Variants in HAUS7 observed in about 807,000 individuals in gnomAD.
The protein encoded by HAUS7 is HAUS augmin like complex subunit 7, also known as HAUS augmin-like complex subunit 7.
Under a neutral mutation model 28.4 loss-of-function variants are expected in HAUS7, and 3 were observed. The ratio of observed to expected loss-of-function variants is 0.11; its 90% CI spans 0.05 to 0.27. The LOEUF (loss-of-function observed/expected upper bound fraction) is 0.27, where lower values mean the gene tolerates loss of function less well. Among genes scored for constraint, HAUS7 ranks in the 10% least tolerant of loss-of-function variants. The pLI, the probability that HAUS7 is intolerant of heterozygous loss-of-function variation, is 1.00. For synonymous variants in HAUS7, 165 were observed against 132.1 expected, an observed-to-expected ratio of 1.25 and a Z score of -1.71; for missense variants, 284 against 297.3, an observed-to-expected ratio of 0.96 and a Z score of 0.33.
intron 1 of HAUS7, among the ~76,000 whole-genome samples, chrX:153,469,911 G>T (rs782276820): frequency 9.0e-6 from 1 of 111,108 alleles, no homozygotes; most frequent in East Asian, 2.8e-4. Flanking sequence ...GGAGTGTCTG[G>T]GGGGAGGAGC....
At chrX:153,463,881 A>G (rs1556983862) in intron 3 of HAUS7, among the ~76,000 whole-genome samples, 1 of 112,588 alleles carries the variant, frequency 8.9e-6, no homozygotes, top group Admixed American at 9.3e-5. Context: ...CTCAGCCCTC[A>G]GCTGGCTGTT....
chrX:153,481,048 G>A, intron 1 of HAUS7: 3 of 736,010 alleles, frequency 4.1e-6, no homozygotes, highest in Non-Finnish European at 4.8e-6. Context: ...TGGGGCCTGG[G>A]GCCTGCTGGG....
intron 1 of HAUS7, chrX:153,481,953 C>G: frequency 1.3e-5 from 7 of 555,726 alleles, no homozygotes; most frequent in Non-Finnish European, 1.5e-5. Context: ...CACCTCTTCT[C>G]GGGGGCCGGG....
At chrX:153,478,976 C>A (rs2089580728) in intron 1 of HAUS7, among the ~76,000 whole-genome samples, 1 of 112,277 alleles carries the variant, frequency 8.9e-6, no homozygotes, top group African/African-American at 3.2e-5. Flanking sequence ...TCAATGCGGG[C>A]CTCACAGCAA....
intron 1 of HAUS7, among the ~76,000 whole-genome samples, chrX:153,487,903 C>T (rs2089648707): frequency 8.9e-6 from 1 of 112,965 alleles, no homozygotes; most frequent in South Asian, 3.6e-4. Context: ...GGCCATTGCC[C>T]CGTTGGCCTG....
rs782196464 is a variant in HAUS7, at chrX:153,454,390, G to C, written c.1045+4C>G. ...GGCAGAGGGCCAGGTGGGCAGCCAC[G>C]TACCTAGACTCATGACGGAGCTGCT... is the stretch of plus-strand genomic sequence containing the variant. On this transcript the variant is annotated splice_donor_region_variant and intron_variant, in intron 9 of 9. Transcript: ENST00000370211. 2.7e-6 allele frequency: 3 copies of C among 1,110,007 alleles called. No individual in the cohort carries two copies. In the African/African-American group the frequency reaches 5.4e-5, roughly 20 times the overall value. 91.5% of individuals were successfully genotyped at this position (1,110,007 alleles called of 1,213,427 possible).
intron 9 of HAUS7, among the ~76,000 whole-genome samples, chrX:153,451,949 G>A (rs781994357): frequency 7.1e-5 from 8 of 111,948 alleles, no homozygotes; most frequent in Admixed American, 5.7e-4. Flanking sequence ...CATGAATGAC[G>A]ACACATTTAC....
At chrX:153,481,034 C>T in intron 1 of HAUS7, 1 of 750,049 alleles carries the variant, frequency 1.3e-6, no homozygotes. Flanking sequence ...AGGCGGCCTT[C>T]AGGTGGGGCC....
At chrX:153,466,296 G>C (rs1380680353) in intron 2 of HAUS7, among the ~76,000 whole-genome samples, 1 of 112,774 alleles carries the variant, frequency 8.9e-6, no homozygotes, top group Non-Finnish European at 1.9e-5. Flanking sequence ...GGCGGGCACA[G>C]TAAACCCTGA....
At chrX:153,475,690 G>A (rs1188307966) in intron 1 of HAUS7, among the ~76,000 whole-genome samples, 2 of 112,595 alleles carry the variant, frequency 1.8e-5, no homozygotes, top group Non-Finnish European at 3.8e-5. Flanking sequence ...CACTGCTGTC[G>A]TTTTCACTCA....
chrX:153,473,441 C>A (rs1450372133), upstream of HAUS7, among the ~76,000 whole-genome samples: 1 of 113,264 alleles, frequency 8.8e-6, no homozygotes, highest in Non-Finnish European at 1.9e-5. Context: ...GACTCCCGGC[C>A]CTGAACCAGG....
At chrX:153,493,068 G>A (rs190943824) in intron 1 of HAUS7, among the ~76,000 whole-genome samples, 70 of 112,389 alleles carry the variant, frequency 6.2e-4, no homozygotes, top group African/African-American at 2.2e-3. Flanking sequence ...CATTGAGCAC[G>A]TACAAGGCAA....
intron 6 of HAUS7, 31 bp from the exon 7 acceptor site, chrX:153,456,395 T>G (rs1556982187): frequency 8.5e-7 from 1 of 1,181,446 alleles, no homozygotes; most frequent in Non-Finnish European, 1.2e-6. Flanking sequence ...CACTTGCAAC[T>G]CACCGCTGCC....
intron 2 of HAUS7, among the ~76,000 whole-genome samples, chrX:153,466,588 C>A (rs1388746795): frequency 8.9e-5 from 10 of 112,009 alleles, no homozygotes; most frequent in African/African-American, 3.2e-4. Flanking sequence ...GGTGCGGTCA[C>A]GTACAAAGAA....
chrX:153,455,922 A>C (rs2089301884), intron 7 of HAUS7, among the ~76,000 whole-genome samples, 156 bp from the exon 8 acceptor site: 1 of 112,056 alleles, frequency 8.9e-6, no homozygotes, highest in African/African-American at 3.2e-5. Context: ...GGCCAGAGCA[A>C]GACCTTCTGG....
chrX:153,454,829 A>G, intron 8 of HAUS7: 4 of 864,567 alleles, frequency 4.6e-6, no homozygotes, highest in Non-Finnish European at 4.8e-6. Context: ...GCAAGGGGGG[A>G]AAATAAATGT....
At chrX:153,449,802 C>T (rs1368237281) in intron 9 of HAUS7, among the ~76,000 whole-genome samples, 1 of 112,494 alleles carries the variant, frequency 8.9e-6, no homozygotes, top group African/African-American at 3.2e-5. Context: ...GTCCCCTGCC[C>T]TGGAGACCCT....
rs200651066 is a variant in HAUS7 at position 153,470,498 on chromosome X, G to A, written c.60C>T (p.Gly20=). The part of the protein sequence containing the change: ...RGGDDYSEDE[G]DSSVSRAAVE... ...CAGCCGCCCTGGACACGCTGCTGTC[G>A]CCCTCGTCCTCTGAGTAGTCGTCGC... Residue 20 remains glycine, a synonymous_variant, in exon 1 of 10, where the codon GGC becomes GGT. Transcript: ENST00000370211. 5.8e-6 allele frequency: 7 copies of A among 1,204,391 alleles called. No individual in the cohort carries two copies. The highest frequency in any genetic ancestry group is 2.2e-6 in the Non-Finnish European group (2 of 892,007).
chrX:153,482,334 T>TGCGGCTGAA (rs2124177802), intron 1 of HAUS7: 2 of 755,374 alleles, frequency 2.6e-6, no homozygotes, highest in African/African-American at 4.6e-5. Context: ...CAGAATCTGA[T>TGCGGCTGAA]GCGGCTGAAG....
Sources: gnomAD v4.1 joint callset for allele counts (sites outside exome capture counted in the v4.1 genomes callset) on GRCh38, gnomAD v4.1.1 for gene constraint, MANE v1.5 for transcripts, NCBI Gene and HGNC (gene_info 2026-07-23, HGNC 2026-07-21) for gene names.